The following SNTG1 variants were observed in gnomAD, a reference collection of about 807,000 sequenced individuals.
SNTG1 encodes the protein syntrophin gamma 1.
In SNTG1, 39 loss-of-function variants were observed where a neutral mutation model predicts 74.7. The ratio of observed to expected loss-of-function variants is 0.52; its 90% confidence interval spans 0.40 to 0.68. The LOEUF is 0.68. Among genes scored for constraint, SNTG1 ranks in the 30% least tolerant of loss-of-function variants. The pLI is 0.00. For synonymous variants in SNTG1, 254 were observed against 217.1 expected (o/e 1.17, Z -1.49); for missense variants, 685 against 609.5 (o/e 1.12, Z -1.30).
intron 17 of SNTG1, among the ~76,000 whole-genome samples, chr8:50,724,382 C>T (rs1474290332): frequency 2.6e-5 from 4 of 152,034 alleles, no homozygotes; most frequent in Non-Finnish European, 4.4e-5. Context: ...GTGGTCTCCT[C>T]GGGCTAATAA....
At chr8:50,749,143 A>G (rs879813229) in intron 17 of SNTG1, among the ~76,000 whole-genome samples, 5 of 152,080 alleles carry the variant, frequency 3.3e-5, no homozygotes, top group Non-Finnish European at 7.4e-5. Flanking sequence ...CAGGGAACAC[A>G]TACATGATAA....
intron 12 of SNTG1, among the ~76,000 whole-genome samples, chr8:50,559,244 TAAAC>T (rs1171388948): frequency 2.0e-5 from 3 of 152,134 alleles, no homozygotes; most frequent in East Asian, 3.9e-4. Context: ...TTTAGATAAA[TAAAC>T]AAAATTAAAA....
At chr8:50,040,312 T>TA (rs920197746) in intron 1 of SNTG1, among the ~76,000 whole-genome samples, 1 of 152,136 alleles carries the variant, frequency 6.6e-6, no homozygotes, top group Non-Finnish European at 1.5e-5. Flanking sequence ...ATTATATATG[T>TA]AAAAAAAATT....
At chr8:50,354,672 A>T (rs1179195668) in intron 2 of SNTG1, among the ~76,000 whole-genome samples, 1 of 152,014 alleles carries the variant, frequency 6.6e-6, no homozygotes, top group Non-Finnish European at 1.5e-5. Context: ...CTCAGTTTCC[A>T]CGTGTAAGGA....
At position 50,501,539 on chromosome 8, in the gene SNTG1, G is replaced by A. The variant is rs192819361; in HGVS notation, c.364-1239G>A. ...CAACCTCCGCCTCCCAGGTTCAAACGATTCTCCTGCCTTAGCCTCCCGAGT... is the reference window on the plus strand; with the variant it reads ...CAACCTCCGCCTCCCAGGTTCAAACAATTCTCCTGCCTTAGCCTCCCGAGT... On this transcript the variant is annotated intron_variant, in intron 8 of 18. Coordinates refer to ENST00000642720, the MANE Select transcript of SNTG1 (RefSeq NM_018967.5). Among the ~76,000 whole-genome samples, 72 of 141,962 alleles carry A rather than the reference G, an allele frequency of 5.1e-4. 1 individual carries two copies. The East Asian group carries it at 0.015, about 29-fold the overall frequency. 93.1% of individuals were successfully genotyped at this position (141,962 alleles called of 152,430 possible).
At chr8:50,145,477 T>C (rs1310408144) in intron 1 of SNTG1, among the ~76,000 whole-genome samples, 1 of 152,184 alleles carries the variant, frequency 6.6e-6, no homozygotes, top group Admixed American at 6.5e-5. Flanking sequence ...TAACTCCTGG[T>C]TGCAGATCAT....
intron 18 of SNTG1, among the ~76,000 whole-genome samples, chr8:50,753,248 C>G (rs1261332451): frequency 6.6e-6 from 1 of 151,962 alleles, no homozygotes; most frequent in Non-Finnish European, 1.5e-5. Context: ...CCCACCTCAG[C>G]TACCACTGAT....
At chr8:50,669,398 G>T (rs1048643583) in intron 15 of SNTG1, among the ~76,000 whole-genome samples, 10 of 151,968 alleles carry the variant, frequency 6.6e-5, no homozygotes, top group African/African-American at 1.9e-4. Context: ...TACCATCAGA[G>T]AATACTACAA....
At chr8:50,514,099 CT>C (rs941768339) in intron 9 of SNTG1, among the ~76,000 whole-genome samples, 6 of 152,016 alleles carry the variant, frequency 3.9e-5, no homozygotes, top group Non-Finnish European at 8.8e-5. Flanking sequence ...GCATATTTTA[CT>C]TTTTTTTATT....
intron 1 of SNTG1, among the ~76,000 whole-genome samples, chr8:49,929,402 G>A (rs1165577194): frequency 1.3e-5 from 2 of 152,194 alleles, no homozygotes; most frequent in Non-Finnish European, 2.9e-5. Context: ...TCTATGTAGA[G>A]CTTGTGCAGG....
chr8:50,266,678 G>GTA (rs1160066855), intron 2 of SNTG1, among the ~76,000 whole-genome samples: 75 of 136,904 alleles, frequency 5.5e-4, no homozygotes, highest in Middle Eastern at 3.8e-3. Flanking sequence ...GTGTGTGTGT[G>GTA]TGTGTGTATA....
intron 15 of SNTG1, among the ~76,000 whole-genome samples, chr8:50,676,139 G>A (rs957261225): frequency 6.6e-6 from 1 of 151,880 alleles, no homozygotes; most frequent in African/African-American, 2.4e-5. Context: ...GAGTATCTTA[G>A]TGTTGTTCTC....
At chr8:50,002,764 A>T (rs1481888039) in intron 1 of SNTG1, among the ~76,000 whole-genome samples, 1 of 152,154 alleles carries the variant, frequency 6.6e-6, no homozygotes, top group Non-Finnish European at 1.5e-5. Flanking sequence ...ACCCAAGAAA[A>T]ATAAAAACAT....
chr8:50,715,714 T>C (rs749355235), intron 17 of SNTG1, among the ~76,000 whole-genome samples: 1 of 152,208 alleles, frequency 6.6e-6, no homozygotes, highest in Admixed American at 6.5e-5. Context: ...CACATGTATA[T>C]TGACCTTCAT....
In SNTG1 at chr8:50,656,921, G is replaced by C. The variant is rs1380589047; in HGVS notation, c.862G>C (p.Gly288Arg). 1 of 1,603,714 alleles carries C rather than the reference G, an allele frequency of 6.2e-7. No individual in the cohort carries two copies. The change falls in exon 14 of 19, where the codon GGC (glycine) becomes CGC (arginine). Residue 288 changes from glycine (G) to arginine (R), a missense_variant. Physicochemically the swap from Gly to Arg is moderately radical, Grantham distance 125. Transcript: ENST00000642720. ...FPVNQQIVYM[G>R]WCEAREQDPL... is the part of the protein sequence containing the mutation. ...CATTTTCTTGCAGATTGTCTACATG[G>C]GCTGGTGTGAAGCCCGGGAGCAAGA...
intron 1 of SNTG1, among the ~76,000 whole-genome samples, chr8:50,125,066 C>T (rs1387002869): frequency 7.1e-6 from 1 of 141,684 alleles, no homozygotes; most frequent in Non-Finnish European, 1.6e-5. Flanking sequence ...TACAAGAGTC[C>T]AGCTGCTGAT....
chr8:50,521,239 A>AG (rs1384310498), intron 9 of SNTG1, among the ~76,000 whole-genome samples: 10 of 152,054 alleles, frequency 6.6e-5, no homozygotes. Context: ...GGACATAGGG[A>AG]GGGGAACATC....
rs372457677 is a variant in SNTG1, at chr8:50,018,711, C to A, written c.-103+106480C>A. 3.9e-5 allele frequency among the ~76,000 whole-genome samples: 6 copies of A among 151,986 alleles called. No individual in the cohort carries two copies. The East Asian group carries it at 9.7e-4, about 24-fold the overall frequency. ...GAAAGTGAGAAAACAATGCATAGAA[C>A]ATAAGAATATGTTAATACATCATAT... is the stretch of plus-strand genomic sequence containing the variant. On this transcript the variant is annotated intron_variant, in intron 1 of 18. Coordinates refer to ENST00000642720, the MANE Select transcript of SNTG1 (RefSeq NM_018967.5).
intron 2 of SNTG1, among the ~76,000 whole-genome samples, chr8:50,229,254 A>G (rs773687633): frequency 1.3e-5 from 2 of 151,620 alleles, no homozygotes; most frequent in Admixed American, 6.6e-5. Flanking sequence ...GTAAATATTA[A>G]TTCAATAATT....
Sources: gnomAD v4.1 joint callset for allele counts (sites outside exome capture counted in the v4.1 genomes callset) on GRCh38, gnomAD v4.1.1 for gene constraint, MANE v1.5 for transcripts, NCBI Gene and HGNC (gene_info 2026-07-23, HGNC 2026-07-21) for gene names.